The following PLEKHG6 variants were observed in gnomAD, a reference collection of about 807,000 sequenced individuals.
PLEKHG6 encodes the protein pleckstrin homology and RhoGEF domain containing G6, also known as pleckstrin homology domain-containing family G member 6.
Under a neutral mutation model 97.5 loss-of-function variants are expected in PLEKHG6, and 91 were observed. That is an observed-to-expected ratio of 0.93 (90% confidence interval 0.79 to 1.11). The LOEUF is 1.11. PLEKHG6 is among the 50% of genes most tolerant of loss of function. The probability of loss-of-function intolerance (pLI) is 0.00; values close to 1 mark genes in which losing one functional copy is unlikely to be tolerated. For synonymous variants in PLEKHG6, 466 were observed against 425.5 expected (o/e 1.10, Z -1.17); for missense variants, 1,044 against 1,031.0 (o/e 1.01, Z -0.17).
At chr12:6,314,774 T>C (rs535487955) in intron 3 of PLEKHG6, among the ~76,000 whole-genome samples, 23 of 152,220 alleles carry the variant, frequency 1.5e-4, no homozygotes, top group African/African-American at 5.5e-4. Context: ...GGGTGCCTCT[T>C]CACCCACATT....
In PLEKHG6 at chr12:6,317,313, G is replaced by C; in HGVS notation, c.767G>C (p.Arg256Pro). Reference sequence around the variant, plus strand: ...TATCTGTCTCTCCAGTTTGGCCAGCGGTTCCACCCCTATGTCCAGTACTGC... The same window carrying C: ...TATCTGTCTCTCCAGTTTGGCCAGCCGTTCCACCCCTATGTCCAGTACTGC... The part of the protein sequence containing the change: ...LQSGFLTFGQ[R>P]FHPYVQYCLR... Residue 256 changes from arginine (R) to proline (P), a missense_variant, in exon 8 of 16, where the codon CGG becomes CCG. Arg to Pro is a moderately radical substitution (Grantham distance 103). Coordinates refer to ENST00000684764, the MANE Select transcript of PLEKHG6 (RefSeq NM_001384598.1). 1 of 1,613,262 alleles carries C rather than the reference G, an allele frequency of 6.2e-7. No homozygotes were observed.
In PLEKHG6 at chr12:6,316,008, T is replaced by C. The variant is rs1947444943; in HGVS notation, c.606+89T>C. 8.0e-7 allele frequency: 1 copy of C among 1,255,562 alleles called. No individual in the cohort carries two copies. The highest frequency in any genetic ancestry group is 2.3e-5 in the Admixed American group (1 of 42,910). The allele number at this position is 1,255,562 out of a possible 1,614,324, so 77.8% of individuals were successfully genotyped here. A position where few individuals can be genotyped will look rare whatever the true frequency, so the allele number is the denominator to read the frequency against. On this transcript the variant is annotated intron_variant, in intron 6 of 15. Transcript: ENST00000684764. This position sits in a 1 kb window ranked among gnomAD's most constrained non-coding sequence, Gnocchi z 4.1. ...GGCCCTCCAGCCATCCCTGTCTGAA[T>C]TCCCACTGCCCCGTTTTTTGGGATG...
In PLEKHG6 at chr12:6,327,649, G is replaced by A; in HGVS notation, c.2066G>A (p.Arg689Gln). Residue 689 changes from arginine to glutamine, a missense_variant, in exon 15 of 16, where the codon CGG becomes CAG. Arg to Gln is a conservative substitution (Grantham distance 43). Transcript: ENST00000684764. ...NVVVETLHRA[R>Q]LRGQLPSSPT... ...GTGGTGGAAACACTCCACAGGGCCCGGCTTCGGGGCCAGCTTCCCTCCTCC... is the reference window on the plus strand; with the variant it reads ...GTGGTGGAAACACTCCACAGGGCCCAGCTTCGGGGCCAGCTTCCCTCCTCC... The A allele has an allele frequency of 5.8e-6, 9 of 1,559,938 alleles. No individual in the cohort carries two copies. Among genetic ancestry groups the A allele is most frequent in the South Asian group, 2.3e-5 (2 of 86,160 alleles).
Position 6,327,329 on chromosome 12 carries a change from A to T in PLEKHG6, c.1746A>T (p.Pro582=). 6.2e-7 allele frequency: 1 copy of T among 1,614,112 alleles called. No homozygotes were observed. Among genetic ancestry groups the T allele is most frequent in the African/African-American group, 1.3e-5 (1 of 75,046 alleles). ...EDTDEDAPLV[P]DDTSDSGYGT... is the part of the protein sequence containing the mutation. ...CAGATGAAGATGCTCCCCTTGTGCCAGATGATACCTCAGACTCTGGCTACG... is the reference window on the plus strand; with the variant it reads ...CAGATGAAGATGCTCCCCTTGTGCCTGATGATACCTCAGACTCTGGCTACG... Residue 582 remains proline (P), a synonymous_variant, in exon 15 of 16, where the codon CCA becomes CCT. Coordinates refer to ENST00000684764, the MANE Select transcript of PLEKHG6 (RefSeq NM_001384598.1).
rs1333814668 is a variant in PLEKHG6 at position 6,318,990 on chromosome 12, C to A, written c.1409-3C>A. ...CCTCTTGAAGGTTGTCTCCTCCATC[C>A]AGACAGCTTCCTGCTGATCCACCTC... is the stretch of plus-strand genomic sequence containing the variant. On this transcript the variant is annotated splice_polypyrimidine_tract_variant and splice_region_variant and intron_variant, in intron 12 of 15. Coordinates refer to ENST00000684764, the MANE Select transcript of PLEKHG6 (RefSeq NM_001384598.1). The A allele has an allele frequency of 6.2e-7, 1 of 1,613,410 alleles. No homozygotes were observed. The highest frequency in any genetic ancestry group is 1.7e-5 in the Admixed American group (1 of 60,000).
At chr12:6,312,458 T>G (rs1947306564) in intron 2 of PLEKHG6, 94 bp downstream of exon 2, 3 of 1,370,928 alleles carry the variant, frequency 2.2e-6, no homozygotes, top group Middle Eastern at 2.5e-4. Context: ...GTTCAGAGGT[T>G]GAGCTATTCC....
chr12:6,314,413 A>G (rs112124065), intron 3 of PLEKHG6, among the ~76,000 whole-genome samples: 1 of 152,160 alleles, frequency 6.6e-6, no homozygotes. Flanking sequence ...AGGCTGAAGC[A>G]GGAGAATCGC....
intron 1 of PLEKHG6, chr12:6,311,127 A>G (rs989609294): frequency 6.6e-6 from 1 of 152,240 alleles, no homozygotes; most frequent in African/African-American, 2.4e-5. Flanking sequence ...CCTCAGGCCC[A>G]CCCGGTCGGG....
At position 6,321,614 on chromosome 12, in the gene PLEKHG6, C is replaced by T. The variant is rs78756044; in HGVS notation, c.1524+2506C>T. Among the ~76,000 whole-genome samples the T allele has an allele frequency of 3.0e-3, 460 of 151,284 alleles. 2 individuals carry two copies. The highest frequency in any genetic ancestry group is 0.011 in the African/African-American group (448 of 41,182). On this transcript the variant is annotated intron_variant, in intron 13 of 15. Coordinates refer to ENST00000684764, the MANE Select transcript of PLEKHG6 (RefSeq NM_001384598.1). ...AGCACTTTGGGAGGCCGAGGCGGGC[C>T]GATCACGAGGTCAGGAGATTGAGAC... is the stretch of plus-strand genomic sequence containing the variant.
chr12:6,321,826 TA>T (rs57346521), intron 13 of PLEKHG6, among the ~76,000 whole-genome samples: 87 of 97,368 alleles, frequency 8.9e-4, no homozygotes, highest in Admixed American at 1.7e-3. Context: ...GACTCTGTCT[TA>T]AAAAAAAAAA....
At position 6,319,314 on chromosome 12, in the gene PLEKHG6, G is replaced by A. The variant is rs111288322; in HGVS notation, c.1524+206G>A. ...AATACAAAAATTAGCCGGGCGTGGT[G>A]GTGTGTGCCTGTAGTCCCCATTACT... is the stretch of plus-strand genomic sequence containing the variant. On this transcript the variant is annotated intron_variant, in intron 13 of 15. Transcript: ENST00000684764. The A allele has an allele frequency of 3.5e-3, 2,125 of 612,178 alleles. 2 individuals are homozygous for A. Among genetic ancestry groups the A allele is most frequent in the Non-Finnish European group, 5.4e-3 (1,898 of 350,730 alleles). 37.9% of individuals were successfully genotyped at this position (612,178 alleles called of 1,614,324 possible). A position where few individuals can be genotyped will look rare whatever the true frequency, so the allele number is the denominator to read the frequency against.
In PLEKHG6 at chr12:6,316,065, A is replaced by T. The variant is rs560711846; in HGVS notation, c.606+146A>T. The T allele has an allele frequency of 4.4e-6, 4 of 911,948 alleles. No individual in the cohort carries two copies. The highest frequency in any genetic ancestry group is 5.4e-5 in the East Asian group (2 of 36,998). 56.5% of individuals were successfully genotyped at this position (911,948 alleles called of 1,614,324 possible). On this transcript the variant is annotated intron_variant, in intron 6 of 15. Coordinates refer to ENST00000684764, the MANE Select transcript of PLEKHG6 (RefSeq NM_001384598.1). The surrounding 1 kb of genome is among the most constrained non-coding windows in gnomAD (Gnocchi z 4.1). Reference sequence around the variant, plus strand: ...CCTCCCTACTTCCCTGTTACTGGGGACTCCAAGCAGGCCACAGGCCCCCCA... The same window carrying T: ...CCTCCCTACTTCCCTGTTACTGGGGTCTCCAAGCAGGCCACAGGCCCCCCA...
In PLEKHG6 at chr12:6,315,554, G is replaced by A. The variant is rs1285545919; in HGVS notation, c.460G>A (p.Glu154Lys). The A allele has an allele frequency of 2.6e-6, 4 of 1,547,678 alleles. No individual in the cohort carries two copies. Among genetic ancestry groups the A allele is most frequent in the Non-Finnish European group, 3.5e-6 (4 of 1,138,348 alleles). The stretch of plus-strand genomic sequence containing the variant: ...TGAACCAGCATTCTCCCCACCCCAG[G>A]AGATGAGCCAGGAGCTCTGCCACCA... ...SWRELVPGHKEMSQELCHQQE... is the reference protein window; with the variant it reads ...SWRELVPGHKKMSQELCHQQE... Residue 154 changes from glutamate to lysine, a missense_variant and splice_region_variant, in exon 5 of 16, where the codon GAG becomes AAG. By Grantham distance (56) the Glu-to-Lys change is moderately conservative. Coordinates refer to ENST00000684764, the MANE Select transcript of PLEKHG6 (RefSeq NM_001384598.1). This position sits in a 1 kb window ranked among gnomAD's most constrained non-coding sequence, Gnocchi z 4.5.
chr12:6,312,525 G>A (rs901505041), intron 2 of PLEKHG6, 161 bp downstream of exon 2: 3 of 1,113,804 alleles, frequency 2.7e-6, no homozygotes, highest in Admixed American at 3.9e-5. Context: ...GCAGTGACAG[G>A]GCCAGGCTCC....
Position 6,315,087 on chromosome 12 carries a change from G to T in PLEKHG6, c.377G>T (p.Arg126Leu). 1 of 1,613,472 alleles carries T rather than the reference G, an allele frequency of 6.2e-7. No homozygotes were observed. The change falls in exon 4 of 16, where the codon CGG (arginine) becomes CTG (leucine). Residue 126 changes from arginine (R) to leucine (L), a missense_variant. By Grantham distance (102) the Arg-to-Leu change is moderately radical. Transcript: ENST00000684764. This position sits in a 1 kb window ranked among gnomAD's most constrained non-coding sequence, Gnocchi z 4.5. Reference protein sequence around the residue: ...FGMPRLPPEDRRHWEIGEGGD... With the variant: ...FGMPRLPPEDLRHWEIGEGGD... ...ATGCCCCGGCTGCCCCCTGAGGACC[G>T]GCGGCACTGGGAGATAGGAGAGGGT...
chr12:6,316,339 C>G lies in PLEKHG6; in HGVS notation c.691C>G (p.Leu231Val), dbSNP rs774691815. Reference protein sequence around the residue: ...SFWDEVLGPTLEETRASGQPL... With the variant: ...SFWDEVLGPTVEETRASGQPL... ...TTGGGATGAGGTGCTGGGGCCCACC[C>G]TGGAGGAGACTCGGGCCTCGGGCCA... The change falls in exon 7 of 16, where the codon CTG (leucine) becomes GTG (valine). Residue 231 changes from leucine to valine, a missense_variant. Transcript: ENST00000684764. This position sits in a 1 kb window ranked among gnomAD's most constrained non-coding sequence, Gnocchi z 4.1. 1.9e-6 allele frequency: 3 copies of G among 1,563,168 alleles called. No individual in the cohort carries two copies. Among genetic ancestry groups the G allele is most frequent in the South Asian group, 1.2e-5 (1 of 84,812 alleles).
rs1285548033 is a variant in PLEKHG6 at position 6,315,813 on chromosome 12, G to A, written c.556-56G>A. 2 of 1,465,864 alleles carry A rather than the reference G, an allele frequency of 1.4e-6. No homozygotes were observed. Among genetic ancestry groups the A allele is most frequent in the Admixed American group, 4.1e-5 (2 of 49,282 alleles). The allele number at this position is 1,465,864 out of a possible 1,614,324, so 90.8% of individuals were successfully genotyped here. ...TACTGAAGTTGGTGGGGGGTGGGAG[G>A]TGACGACACTGAAGGGCTGCGCTGG... On this transcript the variant is annotated intron_variant, in intron 5 of 15. Coordinates refer to ENST00000684764, the MANE Select transcript of PLEKHG6 (RefSeq NM_001384598.1). The surrounding 1 kb of genome is among the most constrained non-coding windows in gnomAD (Gnocchi z 4.5).
Position 6,316,757 on chromosome 12 carries a change from G to A in PLEKHG6, c.756+353G>A, listed in dbSNP as rs140160163. On this transcript the variant is annotated intron_variant, in intron 7 of 15. Coordinates refer to ENST00000684764, the MANE Select transcript of PLEKHG6 (RefSeq NM_001384598.1). The surrounding 1 kb of genome is among the most constrained non-coding windows in gnomAD (Gnocchi z 4.1). Reference sequence around the variant, plus strand: ...GTAAAAGGCCACAGGAGGCACCCGGGGCACGGAGAAGAGTGACAAGAGAAA... The same window carrying A: ...GTAAAAGGCCACAGGAGGCACCCGGAGCACGGAGAAGAGTGACAAGAGAAA... 3.9e-5 allele frequency among the ~76,000 whole-genome samples: 6 copies of A among 152,254 alleles called. No individual in the cohort carries two copies. In the East Asian group the frequency reaches 1.2e-3, roughly 29 times the overall value.
chr12:6,318,010 GA>G lies in PLEKHG6; in HGVS notation c.1155+18del. 6.3e-7 allele frequency: 1 copy of G among 1,578,112 alleles called. No homozygotes were observed. The highest frequency in any genetic ancestry group is 8.6e-7 in the Non-Finnish European group (1 of 1,160,882). ...GGTGGAGAAGGTGAGAGGGCAAAGG[GA>G]AGGGACCCAGGAAAAGCAAGGTCCC... On this transcript the variant is annotated intron_variant, in intron 10 of 15. Transcript: ENST00000684764.
Sources: gnomAD v4.1 joint callset for allele counts (sites outside exome capture counted in the v4.1 genomes callset) on GRCh38, gnomAD v4.1.1 for gene constraint, Gnocchi (gnomAD v3.1) non-coding constraint, MANE v1.5 for transcripts, NCBI Gene and HGNC (gene_info 2026-07-23, HGNC 2026-07-21) for gene names.